The following SLX4 variants were observed in gnomAD, a reference collection of about 807,000 sequenced individuals.
SLX4 encodes the protein structure-specific endonuclease subunit SLX4.
A neutral mutation model predicts 146.2 loss-of-function variants in SLX4; 112 were observed. That is an observed-to-expected ratio of 0.77 (90% CI 0.66 to 0.90). SLX4 has a LOEUF of 0.90. Ranked by LOEUF, SLX4 falls within the 40% of genes least tolerant of loss-of-function variation. The pLI is 0.00. For missense variants in SLX4, 2,563 were observed against 2,392.7 expected (o/e 1.07, Z -1.49); for synonymous variants, 1,061 against 997.7 (o/e 1.06, Z -1.20).
Position 3,597,607 on chromosome 16 carries a change from G to T in SLX4, c.1455C>A (p.Asp485Glu), listed in dbSNP as rs150053867. 1.4e-5 allele frequency: 23 copies of T among 1,614,072 alleles called. No individual in the cohort carries two copies. The African/African-American group carries it at 3.1e-4, about 22-fold the overall frequency. Residue 485 changes from aspartate to glutamate, a missense_variant, in exon 7 of 15, where the codon GAC (aspartate) becomes GAA (glutamate). Physicochemically the swap from Asp to Glu is conservative, Grantham distance 45 (BLOSUM62 2). Transcript: ENST00000294008. This position sits in a 1 kb window ranked among gnomAD's most constrained non-coding sequence, Gnocchi z 4.4. Reference sequence around the variant, plus strand: ...CCTCAGAGAGGAGCAGGGCCACACGGTCCTCTATCTGTCGGCCTGTGGTTT... The same window carrying T: ...CCTCAGAGAGGAGCAGGGCCACACGTTCCTCTATCTGTCGGCCTGTGGTTT... Reference protein sequence around the residue: ...DSETTGRQIEDRVALLLSEEV... With the variant: ...DSETTGRQIEERVALLLSEEV...
chr16:3,592,953 A>G, intron 10 of SLX4, 88 bp from the exon 11 acceptor site: 1 of 1,343,778 alleles, frequency 7.4e-7, no homozygotes. Context: ...CCTGCAAGTC[A>G]CTAGTCTTTT....
At chr16:3,593,504 C>G (rs990862715) in intron 10 of SLX4, among the ~76,000 whole-genome samples, 1 of 152,212 alleles carries the variant, frequency 6.6e-6, no homozygotes, top group Non-Finnish European at 1.5e-5. Flanking sequence ...AGGCATGAGC[C>G]GCCGTGCCTG....
intron 12 of SLX4, among the ~76,000 whole-genome samples, chr16:3,585,960 GC>G (rs1297354457): frequency 4.7e-5 from 7 of 147,534 alleles, no homozygotes; most frequent in Non-Finnish European, 1.1e-4. Context: ...CCATGAACAC[GC>G]CACTGCACTC....
intron 3 of SLX4, among the ~76,000 whole-genome samples, chr16:3,603,052 T>G (rs1196328871): frequency 6.6e-6 from 1 of 152,106 alleles, no homozygotes; most frequent in East Asian, 1.9e-4. Context: ...TGCCCTGTTT[T>G]GTTTGTTTGT....
In SLX4 at chr16:3,589,203, G is replaced by A. The variant is rs758409623; in HGVS notation, c.4435C>T (p.Arg1479Ter). 9 of 1,613,820 alleles carry A rather than the reference G, an allele frequency of 5.6e-6. No individual in the cohort carries two copies. The highest frequency in any genetic ancestry group is 5.3e-5 in the African/African-American group (4 of 74,906). ...TTCCTCTGGGTAGTGCAGCTTCCTC[G>A]GATGGGGGTGGTGTCCAGGAGTCCC... Reference protein sequence around the residue: ...SPGLLDTTPIRGSCTTQRKLQ... With the variant: ...SPGLLDTTPI The change falls in exon 12 of 15, where the codon CGA becomes TGA. Residue 1479 changes from arginine (R) to a stop codon, truncating the protein, a stop_gained. Coordinates refer to ENST00000294008, the MANE Select transcript of SLX4 (RefSeq NM_032444.4). LOFTEE classifies it high-confidence loss of function. The surrounding 1 kb of genome is among the most constrained non-coding windows in gnomAD (Gnocchi z 6.2).
At chr16:3,596,617 G>A (rs889118089) in intron 7 of SLX4, among the ~76,000 whole-genome samples, 3 of 152,222 alleles carry the variant, frequency 2.0e-5, no homozygotes. Context: ...CACGGCCAAG[G>A]CCAGGCCTGT....
Position 3,605,098 on chromosome 16 carries a change from A to T in SLX4, c.760+1376T>A, listed in dbSNP as rs553663833. 5.2e-3 allele frequency among the ~76,000 whole-genome samples: 762 copies of T among 147,702 alleles called. 7 individuals carry two copies. The highest frequency in any genetic ancestry group is 0.018 in the African/African-American group (715 of 40,106). On this transcript the variant is annotated intron_variant, in intron 3 of 14. Coordinates refer to ENST00000294008, the MANE Select transcript of SLX4 (RefSeq NM_032444.4). ...ATCATGCCCAGCTAATTAAAAAAAA[A>T]TTTTTTTTTGAGTCAGAGTCTTGCT...
At chr16:3,608,044 G>C (rs1464012585) in intron 2 of SLX4, among the ~76,000 whole-genome samples, 1 of 152,250 alleles carries the variant, frequency 6.6e-6, no homozygotes, top group Non-Finnish European at 1.5e-5. Flanking sequence ...AGTCAGCCGG[G>C]CGCAGTGGCT....
intron 13 of SLX4, among the ~76,000 whole-genome samples, chr16:3,584,433 T>C (rs2040484028): frequency 6.6e-6 from 1 of 151,844 alleles, no homozygotes; most frequent in Non-Finnish European, 1.5e-5. Context: ...AAAAAAAAAA[T>C]CAGACCTCCT....
rs1226790784 is a variant in SLX4, at chr16:3,591,141, A to G, written c.2497T>C (p.Leu833=). 6.2e-7 allele frequency: 1 copy of G among 1,614,112 alleles called. No homozygotes were observed. The highest frequency in any genetic ancestry group is 1.1e-5 in the South Asian group (1 of 91,084). Residue 833 remains leucine (L), a synonymous_variant, in exon 12 of 15, where the codon TTG becomes CTG. Transcript: ENST00000294008. Reference sequence around the variant, plus strand: ...TCTTCGTGGTCCTTGGATTTCAACAAAGTCTCCGCTTCCTCCTCTTCATCT... The same window carrying G: ...TCTTCGTGGTCCTTGGATTTCAACAGAGTCTCCGCTTCCTCCTCTTCATCT... The part of the protein sequence containing the change: ...WADEEEEAET[L]LKSKDHEEDQ...
chr16:3,594,395 G>T, intron 10 of SLX4, 58 bp downstream of exon 10: 1 of 1,572,578 alleles, frequency 6.4e-7, no homozygotes, highest in Non-Finnish European at 8.6e-7. Context: ...GTTGGAGAAA[G>T]GCAGGAGGAG....
chr16:3,607,943 T>C (rs1443429066), intron 2 of SLX4, among the ~76,000 whole-genome samples: 3 of 152,212 alleles, frequency 2.0e-5, no homozygotes, highest in Non-Finnish European at 4.4e-5. Context: ...CAGAATTTCA[T>C]AGGAAATTCT....
chr16:3,595,252 C>G (rs751457912), intron 9 of SLX4, among the ~76,000 whole-genome samples: 1 of 152,220 alleles, frequency 6.6e-6, no homozygotes, highest in African/African-American at 2.4e-5. Flanking sequence ...TACTGAGGAA[C>G]GAGCAGAGCG....
chr16:3,609,006 T>C lies in SLX4; in HGVS notation c.-42A>G. ...TTCTCCATTAGATACTTGGAGAGTT[T>C]GCACAATTGAACAAAAAGTACTGTT... is the stretch of plus-strand genomic sequence containing the variant. On this transcript the variant is annotated 5_prime_UTR_variant, in exon 2 of 15. Coordinates refer to ENST00000294008, the MANE Select transcript of SLX4 (RefSeq NM_032444.4). 6.3e-7 allele frequency: 1 copy of C among 1,597,890 alleles called. No individual in the cohort carries two copies. Among genetic ancestry groups the C allele is most frequent in the African/African-American group, 1.3e-5 (1 of 74,836 alleles).
At chr16:3,594,629 C>A (rs2040631041) in intron 9 of SLX4, 30 bp from the exon 10 acceptor site, 1 of 1,613,512 alleles carries the variant, frequency 6.2e-7, no homozygotes, top group South Asian at 1.1e-5. Context: ...AGAGCCGTCA[C>A]CTCCCCACCT....
chr16:3,606,840 G>T, intron 2 of SLX4, 142 bp from the exon 3 acceptor site: 1 of 846,554 alleles, frequency 1.2e-6, no homozygotes. Context: ...AAGAGGACTG[G>T]TTGCTTGTTG....
chr16:3,603,479 C>T (rs902797735), intron 3 of SLX4, among the ~76,000 whole-genome samples: 2 of 152,250 alleles, frequency 1.3e-5, no homozygotes, highest in Non-Finnish European at 2.9e-5. Context: ...TCCTCTGCAA[C>T]TCACATGTGC....
chr16:3,605,699 G>C (rs2040773904), intron 3 of SLX4, among the ~76,000 whole-genome samples: 1 of 151,964 alleles, frequency 6.6e-6, no homozygotes, highest in South Asian at 2.1e-4. Context: ...TGTAATCCCA[G>C]CACTTTGGGA....
chr16:3,610,461 C>A (rs1328937894), intron 1 of SLX4, among the ~76,000 whole-genome samples: 1 of 152,130 alleles, frequency 6.6e-6, no homozygotes, highest in East Asian at 1.9e-4. Flanking sequence ...AAGCACTGTT[C>A]CAATTGCTTT....
Sources: allele counts gnomAD v4.1 joint callset (sites outside exome capture counted in the v4.1 genomes callset), GRCh38; gene constraint gnomAD v4.1.1; non-coding constraint Gnocchi (gnomAD v3.1); transcripts MANE v1.5; gene names NCBI Gene and HGNC (gene_info 2026-07-23, HGNC 2026-07-21).